GUCY2F: variants seen among roughly 807,000 people sequenced by gnomAD.
GUCY2F encodes guanylate cyclase 2F, retinal.
GUCY2F carries 61 observed loss-of-function variants against 73.1 expected under a neutral mutation model. That is an observed-to-expected ratio of 0.83 (90% CI 0.68 to 1.03). The LOEUF (loss-of-function observed/expected upper bound fraction) is 1.03, where lower values mean the gene tolerates loss of function less well. Ranked by LOEUF, GUCY2F falls within the 50% of genes least tolerant of loss-of-function variation. The probability of loss-of-function intolerance (pLI) is 0.00; values close to 1 mark genes in which losing one functional copy is unlikely to be tolerated. For synonymous variants in GUCY2F, 331 were observed against 307.8 expected (o/e 1.08, Z -0.79); for missense variants, 912 against 854.3 (o/e 1.07, Z -0.84).
chrX:109,437,467 A>G (rs745695940), intron 7 of GUCY2F, among the ~76,000 whole-genome samples: 8 of 112,442 alleles, frequency 7.1e-5, no homozygotes, highest in Non-Finnish European at 1.1e-4. Flanking sequence ...TCTCAATTCT[A>G]CACTATAACC....
chrX:109,394,893 C>T (rs957269110), intron 12 of GUCY2F, among the ~76,000 whole-genome samples: 7 of 112,183 alleles, frequency 6.2e-5, no homozygotes, highest in Non-Finnish European at 1.3e-4. Context: ...CATATTTTTC[C>T]TGACCTTCCA....
Position 109,463,112 on chromosome X carries a change from G to A in GUCY2F, c.1032+2030C>T, listed in dbSNP as rs551925856. Among the ~76,000 whole-genome samples the A allele has an allele frequency of 1.7e-4, 19 of 111,735 alleles. No individual in the cohort carries two copies. In the South Asian group the frequency reaches 4.5e-3, roughly 26 times the overall value. On this transcript the variant is annotated intron_variant, in intron 3 of 19. Transcript: ENST00000218006. The stretch of plus-strand genomic sequence containing the variant: ...GATATAAATCCTCCGAGCAGAAAGA[G>A]ATACATAAACCTAAATTTCATTTGA...
chrX:109,387,471 G>A (rs1930462824), intron 15 of GUCY2F, among the ~76,000 whole-genome samples: 1 of 112,233 alleles, frequency 8.9e-6, no homozygotes, highest in Non-Finnish European at 1.9e-5. Context: ...TTTTGATATA[G>A]AAGGCTGAAG....
At chrX:109,473,306 TGAGCAGATCTGTACTGTAATAAA>T (rs1211903251) in intron 2 of GUCY2F, among the ~76,000 whole-genome samples, 1 of 111,730 alleles carries the variant, frequency 9.0e-6, no homozygotes, top group Non-Finnish European at 1.9e-5. Context: ...ATTCCCTTAG[TGAGCAGATCTGTACTGTAATAAA>T]GAAAACAATC....
At chrX:109,435,950 A>G (rs2147270624) in intron 7 of GUCY2F, among the ~76,000 whole-genome samples, 1 of 111,356 alleles carries the variant, frequency 9.0e-6, no homozygotes, top group South Asian at 3.8e-4. Flanking sequence ...GCGTATATTG[A>G]ACCAGCCTTG....
At chrX:109,464,299 T>C (rs1009798491) in intron 3 of GUCY2F, among the ~76,000 whole-genome samples, 2 of 112,219 alleles carry the variant, frequency 1.8e-5, no homozygotes, top group African/African-American at 6.5e-5. Context: ...CTCCTTTTTC[T>C]TTCTCTAAGC....
intron 3 of GUCY2F, among the ~76,000 whole-genome samples, chrX:109,455,494 T>C (rs942900725): frequency 5.4e-5 from 6 of 111,794 alleles, no homozygotes; most frequent in Non-Finnish European, 9.4e-5. Flanking sequence ...AGGTCTCCTG[T>C]TTCTTAGTTT....
rs1257876805 is a variant in GUCY2F, at chrX:109,376,097, G to T, written c.3221C>A (p.Pro1074Gln). ...KGFMKPLPVP[P>Q]PVDKDGQVGH... ...CACTTACCCATCTTTGTCCACTGGTGGGGGCACAGGAAGGGGCTTCATGAA... is the reference window on the plus strand; with the variant it reads ...CACTTACCCATCTTTGTCCACTGGTTGGGGCACAGGAAGGGGCTTCATGAA... Residue 1074 changes from proline (P) to glutamine (Q), a missense_variant, in exon 18 of 20, where the codon CCA (proline) becomes CAA (glutamine). Transcript: ENST00000218006. 1 of 1,201,134 alleles carries T rather than the reference G, an allele frequency of 8.3e-7. No individual in the cohort carries two copies.
At chrX:109,435,132 G>A (rs1265440353) in intron 7 of GUCY2F, among the ~76,000 whole-genome samples, 10 of 111,055 alleles carry the variant, frequency 9.0e-5, no homozygotes, top group Non-Finnish European at 1.7e-4. Flanking sequence ...TTCCATATGA[G>A]CTTTAAAGTA....
Position 109,456,933 on chromosome X carries a change from C to T in GUCY2F, c.1033-3074G>A, listed in dbSNP as rs987319549. Among the ~76,000 whole-genome samples, 48 of 111,551 alleles carry T rather than the reference C, an allele frequency of 4.3e-4. No individual in the cohort carries two copies. The Admixed American group carries it at 4.6e-3, about 11-fold the overall frequency. ...GAAAGAGAAAAGGTAAAGGGTGGAA[C>T]ACAGGAAGAAGAGGCATTCTCTACA... On this transcript the variant is annotated intron_variant, in intron 3 of 19. Transcript: ENST00000218006.
chrX:109,423,656 A>G (rs1939984484), intron 8 of GUCY2F, among the ~76,000 whole-genome samples: 1 of 103,937 alleles, frequency 9.6e-6, no homozygotes. Context: ...GGCTCAAGCT[A>G]TCATCCTGCC....
chrX:109,425,337 G>T (rs1283232383), intron 8 of GUCY2F, among the ~76,000 whole-genome samples: 1 of 82,811 alleles, frequency 1.2e-5, no homozygotes. Context: ...AGAAATTGTT[G>T]TGTGTGTGTG....
chrX:109,431,416 G>A (rs1049926876), intron 7 of GUCY2F, among the ~76,000 whole-genome samples: 1 of 111,418 alleles, frequency 9.0e-6, no homozygotes, highest in African/African-American at 3.3e-5. Context: ...GAGTGTAACC[G>A]GGCCGGGCGC....
intron 10 of GUCY2F, among the ~76,000 whole-genome samples, chrX:109,402,194 A>G (rs1930856420): frequency 9.0e-6 from 1 of 110,862 alleles, no homozygotes; most frequent in South Asian, 3.9e-4. Context: ...ATGGAGTAAT[A>G]TGATAAGAGG....
At chrX:109,463,433 CTTTTTTTT>C (rs755756631) in intron 3 of GUCY2F, among the ~76,000 whole-genome samples, 5 of 84,000 alleles carry the variant, frequency 6.0e-5, no homozygotes, top group Non-Finnish European at 8.9e-5. Flanking sequence ...TTTCCTCACT[CTTTTTTTT>C]TTTTTTTTTT....
chrX:109,384,938 C>A (rs1930399820), intron 16 of GUCY2F, among the ~76,000 whole-genome samples: 1 of 111,772 alleles, frequency 8.9e-6, no homozygotes, highest in African/African-American at 3.3e-5. Context: ...GTTTTGGTGT[C>A]ACTTAGCTAC....
rs577198921 is a variant in GUCY2F, at chrX:109,395,326, A to G, written c.2424+15T>C. ...AGGAAGGCTCCTGGGCAATGATAAG[A>G]TTCAGAGTCCTTACCTGGTTAAATA... On this transcript the variant is annotated intron_variant, in intron 12 of 19. Coordinates refer to ENST00000218006, the MANE Select transcript of GUCY2F (RefSeq NM_001522.3). The G allele has an allele frequency of 4.2e-6, 5 of 1,195,604 alleles. No individual in the cohort carries two copies. The Admixed American group carries it at 6.6e-5, about 16-fold the overall frequency.
At chrX:109,430,437 G>T (rs761089919) in intron 7 of GUCY2F, 41 bp from the exon 8 acceptor site, 4 of 717,729 alleles carry the variant, frequency 5.6e-6, no homozygotes, top group Non-Finnish European at 8.9e-6. Flanking sequence ...ATGAAACTTA[G>T]TTGCCAGCAG....
intron 1 of GUCY2F, among the ~76,000 whole-genome samples, chrX:109,479,849 G>T (rs752032832): frequency 9.0e-6 from 1 of 110,637 alleles, no homozygotes; most frequent in Non-Finnish European, 1.9e-5. Context: ...ACAAACACAC[G>T]TTGAGAAGTT....
Sources: gnomAD v4.1 joint callset for allele counts (sites outside exome capture counted in the v4.1 genomes callset) on GRCh38, gnomAD v4.1.1 for gene constraint, MANE v1.5 for transcripts, NCBI Gene and HGNC (gene_info 2026-07-23, HGNC 2026-07-21) for gene names.